Variants in IMMP2L observed in about 807,000 individuals in gnomAD.
IMMP2L encodes inner mitochondrial membrane peptidase subunit 2, also known as mitochondrial inner membrane protease subunit 2.
In IMMP2L, 18 loss-of-function variants were observed where a neutral mutation model predicts 19.3. The observed-to-expected ratio is 0.93, with a 90% CI of 0.64 to 1.38. The LOEUF is 1.38. Ranked by LOEUF, IMMP2L falls within the 40% of genes most tolerant of loss-of-function variation. The pLI is 0.00. For missense variants in IMMP2L, 233 were observed against 218.2 expected, an observed-to-expected ratio of 1.07 and a Z score of -0.43; for synonymous variants, 76 against 73.0, an observed-to-expected ratio of 1.04 and a Z score of -0.21.
At chr7:111,134,207 A>T (rs1358903872) in intron 3 of IMMP2L, among the ~76,000 whole-genome samples, 2 of 152,058 alleles carry the variant, frequency 1.3e-5, no homozygotes, top group African/African-American at 4.8e-5. Context: ...CAAAAAAAGT[A>T]CTGTGTCTAA....
intron 3 of IMMP2L, among the ~76,000 whole-genome samples, chr7:111,049,636 CA>C (rs1184043257): frequency 1.6e-4 from 24 of 152,088 alleles, no homozygotes; most frequent in African/African-American, 5.1e-4. Context: ...GTGTACGTAG[CA>C]ACAGAATATT....
intron 4 of IMMP2L, among the ~76,000 whole-genome samples, chr7:110,894,264 C>T (rs999969377): frequency 2.6e-5 from 4 of 152,152 alleles, no homozygotes; most frequent in African/African-American, 9.7e-5. Context: ...TACTTTCTAT[C>T]AGATCTCACT....
chr7:111,407,065 T>A (rs116325897), intron 3 of IMMP2L, among the ~76,000 whole-genome samples: 3,067 of 152,154 alleles, frequency 0.02, 108 homozygotes, highest in African/African-American at 0.07. Context: ...CACATAAATA[T>A]GTGTTTTAGG....
intron 3 of IMMP2L, among the ~76,000 whole-genome samples, chr7:111,316,140 C>T (rs1229059958): frequency 6.6e-6 from 1 of 152,060 alleles, no homozygotes; most frequent in Non-Finnish European, 1.5e-5. Flanking sequence ...TGGTATTATC[C>T]TCTTATGGGA....
intron 5 of IMMP2L, among the ~76,000 whole-genome samples, chr7:110,818,798 A>G (rs895021764): frequency 2.0e-5 from 3 of 151,940 alleles, no homozygotes; most frequent in African/African-American, 4.8e-5. Flanking sequence ...TGATGAGTTC[A>G]TGTCCTTTGT....
At chr7:111,168,440 A>C (rs1436154133) in intron 3 of IMMP2L, among the ~76,000 whole-genome samples, 1 of 151,884 alleles carries the variant, frequency 6.6e-6, no homozygotes, top group African/African-American at 2.4e-5. Flanking sequence ...CCAGTCTTAT[A>C]AGTTGAGAGT....
chr7:110,879,719 C>A (rs1340534171), intron 5 of IMMP2L, among the ~76,000 whole-genome samples: 1 of 152,114 alleles, frequency 6.6e-6, no homozygotes, highest in Non-Finnish European at 1.5e-5. Context: ...CTTGGGACTT[C>A]TAAGAAGGCA....
chr7:111,495,373 C>T (rs910538583), intron 2 of IMMP2L, among the ~76,000 whole-genome samples: 4 of 152,092 alleles, frequency 2.6e-5, no homozygotes, highest in African/African-American at 9.7e-5. Flanking sequence ...TATAAGTCAG[C>T]ATATTTCAAC....
chr7:111,053,072 G>A (rs1264977238), intron 3 of IMMP2L, among the ~76,000 whole-genome samples: 4 of 152,214 alleles, frequency 2.6e-5, no homozygotes, highest in Admixed American at 6.5e-5. Flanking sequence ...GGGCCATAAC[G>A]CAGAAGCAGA....
intron 5 of IMMP2L, among the ~76,000 whole-genome samples, chr7:110,879,211 T>G (rs1276268397): frequency 1.3e-5 from 2 of 152,120 alleles, no homozygotes; most frequent in South Asian, 4.1e-4. Context: ...GTCAACATGG[T>G]GAAACCCTGT....
chr7:111,079,484 T>C (rs994110258), intron 3 of IMMP2L, among the ~76,000 whole-genome samples: 8 of 152,242 alleles, frequency 5.3e-5, no homozygotes, highest in African/African-American at 4.8e-5. Flanking sequence ...TTAAGTTCAC[T>C]ATATTTTAAT....
intron 3 of IMMP2L, among the ~76,000 whole-genome samples, chr7:111,089,545 G>T (rs1796636609): frequency 6.6e-6 from 1 of 152,012 alleles, no homozygotes. Context: ...TAAGAAGGAT[G>T]ATTATTACTA....
intron 3 of IMMP2L, among the ~76,000 whole-genome samples, chr7:111,104,844 G>C (rs1798368180): frequency 6.6e-6 from 1 of 151,766 alleles, no homozygotes; most frequent in African/African-American, 2.4e-5. Flanking sequence ...TTTAGAACGA[G>C]AGGGTCATGG....
At chr7:111,128,830 A>C (rs922848933) in intron 3 of IMMP2L, among the ~76,000 whole-genome samples, 52 of 152,264 alleles carry the variant, frequency 3.4e-4, no homozygotes, top group African/African-American at 1.2e-3. Flanking sequence ...TCTCAAAAAA[A>C]AGAGGCATAT....
At chr7:111,390,885 A>G (rs1379717606) in intron 3 of IMMP2L, 2 of 152,192 alleles carry the variant, frequency 1.3e-5, no homozygotes, top group South Asian at 2.1e-4. Context: ...AGACACATTA[A>G]CACGTAACTA....
At chr7:111,549,958 C>T (rs1319581980) in intron 1 of IMMP2L, among the ~76,000 whole-genome samples, 1 of 143,598 alleles carries the variant, frequency 7.0e-6, no homozygotes, top group South Asian at 2.2e-4. Flanking sequence ...AAAAAAAAAA[C>T]ATAGTGAGAC....
chr7:110,915,943 G>A (rs1002649938), intron 4 of IMMP2L, among the ~76,000 whole-genome samples: 2 of 152,076 alleles, frequency 1.3e-5, no homozygotes, highest in African/African-American at 4.8e-5. Flanking sequence ...GTAAATTAAA[G>A]ACTAATAAGG....
intron 3 of IMMP2L, among the ~76,000 whole-genome samples, chr7:111,256,090 G>C (rs568870622): frequency 4.6e-5 from 7 of 152,044 alleles, no homozygotes; most frequent in Admixed American, 2.6e-4. Context: ...TTATTTCTTT[G>C]GGAAGTATTT....
chr7:111,542,269 A>G (rs1030505855), intron 1 of IMMP2L, among the ~76,000 whole-genome samples: 2 of 152,128 alleles, frequency 1.3e-5, no homozygotes, highest in Non-Finnish European at 2.9e-5. Flanking sequence ...AAAGCTAAAT[A>G]TTTTTATTGT....
Sources: allele counts gnomAD v4.1 joint callset (sites outside exome capture counted in the v4.1 genomes callset), GRCh38; gene constraint gnomAD v4.1.1; transcripts MANE v1.5; gene names NCBI Gene and HGNC (gene_info 2026-07-23, HGNC 2026-07-21).